CARHSP1: variants seen among roughly 807,000 people sequenced by gnomAD.
The protein encoded by CARHSP1 is calcium-regulated heat-stable protein 1.
CARHSP1 carries 14 observed loss-of-function variants against 12.5 expected under a neutral mutation model. The observed-to-expected ratio is 1.12, with a 90% CI of 0.74 to 1.75. The LOEUF (loss-of-function observed/expected upper bound fraction) is 1.75. Ranked by LOEUF, CARHSP1 falls within the 40% of genes most tolerant of loss-of-function variation. The pLI, the probability that CARHSP1 is intolerant of heterozygous loss-of-function variation, is 0.00. For synonymous variants in CARHSP1, 161 were observed against 82.0 expected (o/e 1.96, Z -5.20); for missense variants, 343 against 201.6 (o/e 1.70, Z -4.25).
At chr16:8,859,078 C>A in intron 2 of CARHSP1, 93 bp downstream of exon 2, 1 of 1,282,750 alleles carries the variant, frequency 7.8e-7, no homozygotes, top group Non-Finnish European at 1.1e-6. Context: ...CAGTCCGGGA[C>A]ATAGGCCCAA....
chr16:8,864,254 A>G (rs2061419587), intron 1 of CARHSP1, among the ~76,000 whole-genome samples: 1 of 152,142 alleles, frequency 6.6e-6, no homozygotes, highest in African/African-American at 2.4e-5. Flanking sequence ...ACGTGTATGC[A>G]TGCGTGAACT....
At position 8,855,119 on chromosome 16, in the gene CARHSP1, CAA is replaced by C. The variant is rs750051026; in HGVS notation, c.*43_*44del. On this transcript the variant is annotated 3_prime_UTR_variant, in exon 4 of 4. Transcript: ENST00000311052. ...TCCAGTGTCTGCTGCCTCCTCCCTG[CAA>C]AGTCTCCCACAAGCACAGGACAAGG... 8.3e-6 allele frequency: 12 copies of C among 1,447,326 alleles called. No homozygotes were observed. The Admixed American group carries it at 2.0e-4, about 25-fold the overall frequency. 89.7% of individuals were successfully genotyped at this position (1,447,326 alleles called of 1,614,324 possible).
rs1348797733 is a variant in CARHSP1 at position 8,854,228 on chromosome 16, G to GGTAT, written c.*932_*935dup. ...TTTTAAAGAAAACCCCCTCTCCAAA[G>GGTAT]GTATGTTTCTCCTTCAACTTTCTTG... On this transcript the variant is annotated 3_prime_UTR_variant, in exon 4 of 4. Transcript: ENST00000311052. The GGTAT allele has an allele frequency of 6.6e-6, 1 of 152,084 alleles. No homozygotes were observed. Among genetic ancestry groups the GGTAT allele is most frequent in the East Asian group, 1.9e-4 (1 of 5,204 alleles). 9.4% of individuals were successfully genotyped at this position (152,084 alleles called of 1,614,324 possible).
chr16:8,860,994 G>T (rs1229283628), intron 1 of CARHSP1, among the ~76,000 whole-genome samples: 1 of 146,262 alleles, frequency 6.8e-6, no homozygotes, highest in Admixed American at 6.8e-5. Flanking sequence ...GGGTTGCAAT[G>T]AGCCGAGATC....
At position 8,855,131 on chromosome 16, in the gene CARHSP1, CA is replaced by C; in HGVS notation, c.*32del. The C allele has an allele frequency of 6.7e-7, 1 of 1,489,958 alleles. No homozygotes were observed. Among genetic ancestry groups the C allele is most frequent in the Non-Finnish European group, 9.0e-7 (1 of 1,108,784 alleles). The allele number at this position is 1,489,958 out of a possible 1,614,324, so 92.3% of individuals were successfully genotyped here. On this transcript the variant is annotated 3_prime_UTR_variant, in exon 4 of 4. Transcript: ENST00000311052. ...TGCCTCCTCCCTGCAAAGTCTCCCA[CA>C]AGCACAGGACAAGGGGTGCTTCCAC...
At chr16:8,861,704 G>C in intron 1 of CARHSP1, 1 of 1,288,788 alleles carries the variant, frequency 7.8e-7, no homozygotes, top group Non-Finnish European at 1.0e-6. Flanking sequence ...CGGCCAAGGA[G>C]GAACTCCTGA....
At chr16:8,855,712 G>C (rs373220645) in intron 3 of CARHSP1, among the ~76,000 whole-genome samples, 1 of 152,192 alleles carries the variant, frequency 6.6e-6, no homozygotes, top group Non-Finnish European at 1.5e-5. Context: ...GTGAGAATCC[G>C]AGTTGAGGGG....
chr16:8,864,557 A>G (rs1313641340), intron 1 of CARHSP1, among the ~76,000 whole-genome samples: 1 of 152,232 alleles, frequency 6.6e-6, no homozygotes, highest in East Asian at 1.9e-4. Flanking sequence ...CGCCCGGCTA[A>G]CAAAGACCCT....
intron 1 of CARHSP1, among the ~76,000 whole-genome samples, chr16:8,865,831 T>TA (rs2061445602): frequency 6.6e-6 from 1 of 152,216 alleles, no homozygotes; most frequent in Admixed American, 6.5e-5. Context: ...ATGAGGAAAC[T>TA]AAGGCACAGA....
chr16:8,861,645 C>G (rs952495726), intron 1 of CARHSP1: 3 of 1,289,128 alleles, frequency 2.3e-6, no homozygotes, highest in Middle Eastern at 2.1e-4. Flanking sequence ...GGCTTGCCTT[C>G]TGGAGGAGGT....
chr16:8,866,541 G>C (rs1250767791), intron 1 of CARHSP1: 1 of 869,906 alleles, frequency 1.1e-6, no homozygotes, highest in African/African-American at 1.8e-5. Context: ...CCGAGAGGCG[G>C]GGCGGGTCAG....
intron 3 of CARHSP1, among the ~76,000 whole-genome samples, chr16:8,856,188 G>T (rs545001087): frequency 1.3e-5 from 2 of 152,182 alleles, no homozygotes; most frequent in Admixed American, 6.5e-5. Flanking sequence ...CCACCCCCAG[G>T]AAGGTTCCCT....
rs532859284 is a variant in CARHSP1 at position 8,860,045 on chromosome 16, G to A, written c.-7-710C>T. 106 of 690,990 alleles carry A rather than the reference G, an allele frequency of 1.5e-4. No homozygotes were observed. In the African/African-American group the frequency reaches 1.7e-3, roughly 11 times the overall value. 42.8% of individuals were successfully genotyped at this position (690,990 alleles called of 1,614,324 possible). A position where few individuals can be genotyped will look rare whatever the true frequency, so the allele number is the denominator to read the frequency against. On this transcript the variant is annotated intron_variant, in intron 1 of 3. Transcript: ENST00000311052. Reference sequence around the variant, plus strand: ...CTAGATCCAAACTCAGCCACTCCACGGACCCTCCCTGACGCTGCTGGGAGC... The same window carrying A: ...CTAGATCCAAACTCAGCCACTCCACAGACCCTCCCTGACGCTGCTGGGAGC...
chr16:8,853,986 T>G lies in CARHSP1; in HGVS notation c.*1178A>C, dbSNP rs1054950198. ...CTGTAATCCCAGCTACTCAGGAGAC[T>G]GAGGCGGAATTGCCAGAACCCTGGA... On this transcript the variant is annotated 3_prime_UTR_variant, in exon 4 of 4. Coordinates refer to ENST00000311052, the MANE Select transcript of CARHSP1 (RefSeq NM_014316.4). 1 of 152,120 alleles carries G rather than the reference T, an allele frequency of 6.6e-6. No individual in the cohort carries two copies. The highest frequency in any genetic ancestry group is 2.4e-5 in the African/African-American group (1 of 41,400). 9.4% of individuals were successfully genotyped at this position (152,120 alleles called of 1,614,324 possible). A position where few individuals can be genotyped will look rare whatever the true frequency, so the allele number is the denominator to read the frequency against.
intron 1 of CARHSP1, chr16:8,860,173 T>A: frequency 1.0e-6 from 1 of 985,338 alleles, no homozygotes. Context: ...CACGTTTGGA[T>A]CCCTGAGCAG....
chr16:8,861,860 C>T (rs1161864545), intron 1 of CARHSP1: 8 of 1,184,002 alleles, frequency 6.8e-6, no homozygotes, highest in Non-Finnish European at 8.5e-6. Context: ...GAGGGGAGGG[C>T]CCTGTCCAGG....
At chr16:8,858,534 C>G in intron 2 of CARHSP1, 62 bp from the exon 3 acceptor site, 1 of 1,585,176 alleles carries the variant, frequency 6.3e-7, no homozygotes, top group East Asian at 2.2e-5. Flanking sequence ...AAAGCTCATT[C>G]CAGCCCCTGC....
intron 2 of CARHSP1, 120 bp from the exon 3 acceptor site, chr16:8,858,592 C>A: frequency 5.5e-6 from 7 of 1,261,404 alleles, no homozygotes; most frequent in Non-Finnish European, 7.6e-6. Context: ...CATGTACAGT[C>A]ACACAGGCTG....
chr16:8,855,278 T>C lies in CARHSP1; in HGVS notation c.330A>G (p.Lys110=). The C allele has an allele frequency of 6.2e-7, 1 of 1,612,154 alleles. No homozygotes were observed. Among genetic ancestry groups the C allele is most frequent in the Non-Finnish European group, 8.5e-7 (1 of 1,178,860 alleles). The change falls in exon 4 of 4, where the codon AAA becomes AAG. Residue 110 remains lysine (K), a synonymous_variant. Transcript: ENST00000311052. ...CATTCTTGGGTGGGATGGAGCACAT[T>C]TTATAGGTGACCTCGTCGCCTTCCA... The part of the protein sequence containing the change: ...VPVEGDEVTY[K]MCSIPPKNEK...
Sources: allele counts gnomAD v4.1 joint callset (sites outside exome capture counted in the v4.1 genomes callset), GRCh38; gene constraint gnomAD v4.1.1; transcripts MANE v1.5; gene names NCBI Gene and HGNC (gene_info 2026-07-23, HGNC 2026-07-21).